ECPAS: variants seen among roughly 807,000 people sequenced by gnomAD.
ECPAS encodes the protein Ecm29 proteasome adaptor and scaffold.
ECPAS carries 70 observed loss-of-function variants against 255.1 expected under a neutral mutation model. The observed-to-expected ratio is 0.27, with a 90% CI of 0.23 to 0.33. ECPAS has a LOEUF of 0.33. Among genes scored for constraint, ECPAS ranks in the 10% least tolerant of loss-of-function variants. ECPAS has a pLI of 1.00. For synonymous variants in ECPAS, 784 were observed against 775.0 expected (o/e 1.01, Z -0.19); for missense variants, 1,817 against 2,206.4 (o/e 0.82, Z 3.54).
In ECPAS at chr9:111,392,799, T is replaced by C. The variant is rs773043392; in HGVS notation, c.3061A>G (p.Thr1021Ala). ...NEQDQQELVS[T>A]LVETLMTGKR... Reference sequence around the variant, plus strand: ...CCAGTCATAAGTGTTTCCACAAGTGTAGAAACCAATTCCTGTTGATCTTGT... The same window carrying C: ...CCAGTCATAAGTGTTTCCACAAGTGCAGAAACCAATTCCTGTTGATCTTGT... Residue 1021 changes from threonine to alanine, a missense_variant, in exon 28 of 50, where the codon ACA (threonine) becomes GCA (alanine). Transcript: ENST00000684092. 9 of 1,613,374 alleles carry C rather than the reference T, an allele frequency of 5.6e-6. No homozygotes were observed. The highest frequency in any genetic ancestry group is 1.7e-5 in the Admixed American group (1 of 59,924).
chr9:111,462,806 A>C (rs549147226), intron 2 of ECPAS, among the ~76,000 whole-genome samples: 1 of 147,140 alleles, frequency 6.8e-6, no homozygotes, highest in East Asian at 2.0e-4. Flanking sequence ...GCAGTGGTGC[A>C]ATCTCGGCTC....
chr9:111,381,604 C>T (rs533256976), intron 35 of ECPAS, among the ~76,000 whole-genome samples: 1 of 152,314 alleles, frequency 6.6e-6, no homozygotes, highest in Non-Finnish European at 1.5e-5. Flanking sequence ...AATCACCTAA[C>T]GACACATTTC....
chr9:111,407,301 C>T (rs1275377561), intron 24 of ECPAS, among the ~76,000 whole-genome samples: 3 of 141,472 alleles, frequency 2.1e-5, no homozygotes, highest in Non-Finnish European at 4.5e-5. Flanking sequence ...ACTTAGGAGG[C>T]TGACGAAGGA....
At position 111,428,161 on chromosome 9, in the gene ECPAS, C is replaced by T; in HGVS notation, c.931G>A (p.Gly311Ser). The change falls in exon 10 of 50, where the codon GGT (glycine) becomes AGT (serine). Residue 311 changes from glycine (G) to serine (S), a missense_variant and splice_region_variant. Physicochemically the swap from Gly to Ser is moderately conservative, Grantham distance 56. Transcript: ENST00000684092. ...TTCAACTCTGGCTTCAGAACTGCAC[C>T]CTGTTGAAAATATGCTTGATTATAA... ...LGDIPLKTKE[G>S]AVLKPELKRD... The T allele has an allele frequency of 6.2e-7, 1 of 1,605,692 alleles. No homozygotes were observed. Among genetic ancestry groups the T allele is most frequent in the African/African-American group, 1.3e-5 (1 of 74,634 alleles).
intron 20 of ECPAS, 61 bp from the exon 21 acceptor site, chr9:111,412,209 A>T (rs1183546517): frequency 7.3e-6 from 10 of 1,371,430 alleles, no homozygotes; most frequent in Non-Finnish European, 9.6e-6. Flanking sequence ...CCTGATGACA[A>T]CATCTTTTAA....
chr9:111,445,882 G>A (rs1029676009), intron 3 of ECPAS, among the ~76,000 whole-genome samples: 2 of 151,966 alleles, frequency 1.3e-5, no homozygotes, highest in East Asian at 1.9e-4. Context: ...CTGTGTCCAC[G>A]TGTTCTCACT....
chr9:111,455,464 A>T (rs949037447), intron 2 of ECPAS, among the ~76,000 whole-genome samples: 3 of 152,220 alleles, frequency 2.0e-5, no homozygotes, highest in African/African-American at 7.2e-5. Flanking sequence ...AGTCTGGGCA[A>T]TAAAGCGAGA....
intron 24 of ECPAS, among the ~76,000 whole-genome samples, chr9:111,403,041 A>G (rs1041313125): frequency 4.6e-5 from 7 of 152,136 alleles, no homozygotes; most frequent in African/African-American, 1.7e-4. Context: ...AACAAGACCA[A>G]CTATATGCTG....
chr9:111,373,776 C>T (rs1223018543), intron 39 of ECPAS, among the ~76,000 whole-genome samples, 196 bp downstream of exon 39: 2 of 151,902 alleles, frequency 1.3e-5, no homozygotes, highest in African/African-American at 2.4e-5. Flanking sequence ...TGTTTATGAA[C>T]AGTGAAAAGC....
At chr9:111,446,833 T>G (rs2098253687) in intron 3 of ECPAS, among the ~76,000 whole-genome samples, 1 of 152,302 alleles carries the variant, frequency 6.6e-6, no homozygotes, top group East Asian at 1.9e-4. Flanking sequence ...CAAACACTGA[T>G]ATTTGAACTC....
chr9:111,374,129 A>G lies in ECPAS; in HGVS notation c.4111-91T>C, dbSNP rs957821773. The G allele has an allele frequency of 8.0e-5, 76 of 944,182 alleles. No homozygotes were observed. The South Asian group carries it at 9.9e-4, about 12-fold the overall frequency. 58.5% of individuals were successfully genotyped at this position (944,182 alleles called of 1,614,324 possible). On this transcript the variant is annotated intron_variant, in intron 38 of 49. Coordinates refer to ENST00000684092, the MANE Select transcript of ECPAS (RefSeq NM_001364929.1). ...GCTTAGGTGCCAAAAATTTAAACATATAAAATACATGAAGCCTAATACCCC... is the reference window on the plus strand; with the variant it reads ...GCTTAGGTGCCAAAAATTTAAACATGTAAAATACATGAAGCCTAATACCCC...
intron 1 of ECPAS, among the ~76,000 whole-genome samples, chr9:111,476,574 A>ATT (rs58723893): frequency 0.018 from 1,886 of 105,658 alleles, 11 homozygotes; most frequent in Non-Finnish European, 0.024. Context: ...TAACATCAGA[A>ATT]TTTTTTTTTT....
intron 34 of ECPAS, among the ~76,000 whole-genome samples, chr9:111,383,659 G>T (rs143370825): frequency 3.9e-5 from 6 of 152,282 alleles, no homozygotes; most frequent in African/African-American, 1.4e-4. Flanking sequence ...AGTAGCCGGC[G>T]CCTATAAAGC....
chr9:111,450,535 C>G (rs1052126810), intron 3 of ECPAS, among the ~76,000 whole-genome samples: 1 of 152,174 alleles, frequency 6.6e-6, no homozygotes, highest in Admixed American at 6.5e-5. Flanking sequence ...CTGACCATAG[C>G]TCAAAGACTG....
chr9:111,392,984 A>G (rs964738436), intron 27 of ECPAS, 102 bp from the exon 28 acceptor site: 6 of 645,180 alleles, frequency 9.3e-6, no homozygotes, highest in Non-Finnish European at 1.6e-5. Flanking sequence ...ACCCAAAATG[A>G]TATCAAAGTA....
At chr9:111,467,287 T>C (rs1470953297) in intron 2 of ECPAS, among the ~76,000 whole-genome samples, 2 of 150,266 alleles carry the variant, frequency 1.3e-5, no homozygotes, top group African/African-American at 5.0e-5. Flanking sequence ...CAGTTTCCTT[T>C]CAGGACAACC....
intron 2 of ECPAS, among the ~76,000 whole-genome samples, chr9:111,461,336 G>A (rs867855429): frequency 1.3e-4 from 19 of 151,894 alleles, no homozygotes; most frequent in Middle Eastern, 3.4e-3. Flanking sequence ...GTGGTGGCGT[G>A]CACCTGTAGT....
intron 8 of ECPAS, 79 bp downstream of exon 8, chr9:111,433,154 C>A: frequency 1.3e-6 from 2 of 1,498,022 alleles, no homozygotes; most frequent in South Asian, 1.2e-5. Flanking sequence ...TACAAAAAAT[C>A]CTTAAACAAA....
chr9:111,482,688 G>A (rs2098307896), intron 1 of ECPAS, among the ~76,000 whole-genome samples: 1 of 152,126 alleles, frequency 6.6e-6, no homozygotes, highest in Non-Finnish European at 1.5e-5. Context: ...CCCTTGGGGG[G>A]GAGAACACTC....
Sources: allele counts gnomAD v4.1 joint callset (sites outside exome capture counted in the v4.1 genomes callset), GRCh38; gene constraint gnomAD v4.1.1; transcripts MANE v1.5; gene names NCBI Gene and HGNC (gene_info 2026-07-23, HGNC 2026-07-21).